Variants in HS3ST5 observed in about 807,000 individuals in gnomAD.
HS3ST5 encodes heparan sulfate glucosamine 3-O-sulfotransferase 5.
In HS3ST5, 10 loss-of-function variants were observed where a neutral mutation model predicts 25.4. The ratio of observed to expected loss-of-function variants is 0.39; its 90% confidence interval spans 0.24 to 0.67. The LOEUF is 0.67. Ranked by LOEUF, HS3ST5 falls within the 30% of genes least tolerant of loss-of-function variation. The probability of loss-of-function intolerance (pLI) is 0.44; values close to 1 mark genes in which losing one functional copy is unlikely to be tolerated. For missense variants in HS3ST5, 324 were observed against 420.7 expected (o/e 0.77, Z 2.01); for synonymous variants, 170 against 162.4 (o/e 1.05, Z -0.36).
intron 3 of HS3ST5, among the ~76,000 whole-genome samples, chr6:114,115,770 G>A (rs945206521): frequency 2.0e-5 from 3 of 151,872 alleles, no homozygotes; most frequent in Non-Finnish European, 2.9e-5. Flanking sequence ...TATGATTGAC[G>A]GTGGTAAATG....
intron 3 of HS3ST5, among the ~76,000 whole-genome samples, chr6:114,124,483 C>T (rs193190617): frequency 5.3e-5 from 8 of 152,248 alleles, no homozygotes; most frequent in South Asian, 2.1e-4. Context: ...TAAAATAATA[C>T]GTGAGGTTTT....
chr6:114,127,289 C>A (rs1368755856), intron 3 of HS3ST5, among the ~76,000 whole-genome samples: 2 of 152,190 alleles, frequency 1.3e-5, no homozygotes, highest in African/African-American at 4.8e-5. Context: ...TTACCAATTT[C>A]TTAGGAATTG....
At chr6:114,332,757 G>A (rs1037817109) in intron 1 of HS3ST5, among the ~76,000 whole-genome samples, 4 of 152,060 alleles carry the variant, frequency 2.6e-5, no homozygotes, top group Admixed American at 2.6e-4. Context: ...GGAGGTGGGT[G>A]AGCTACATAG....
At chr6:114,072,602 T>C (rs1773885709) in intron 3 of HS3ST5, among the ~76,000 whole-genome samples, 1 of 152,196 alleles carries the variant, frequency 6.6e-6, no homozygotes. Context: ...ATTTCACATT[T>C]AGTGAATTCA....
intron 1 of HS3ST5, among the ~76,000 whole-genome samples, chr6:114,280,548 G>A (rs561589890): frequency 2.6e-5 from 4 of 152,138 alleles, no homozygotes; most frequent in South Asian, 2.1e-4. Context: ...GTGGCATAAC[G>A]ATGGTTACTG....
At chr6:114,232,785 C>A (rs1158131963) in intron 1 of HS3ST5, among the ~76,000 whole-genome samples, 1 of 152,178 alleles carries the variant, frequency 6.6e-6, no homozygotes, top group Non-Finnish European at 1.5e-5. Flanking sequence ...TTCAAACCTA[C>A]TTCACTACTT....
intron 1 of HS3ST5, among the ~76,000 whole-genome samples, chr6:114,318,914 C>A (rs1775852283): frequency 6.6e-6 from 1 of 152,102 alleles, no homozygotes; most frequent in Non-Finnish European, 1.5e-5. Flanking sequence ...TAAAACATCC[C>A]TTTTATTAGC....
Position 114,238,294 on chromosome 6 carries a change from A to C in HS3ST5, c.-338-9516T>G, listed in dbSNP as rs563357553. ...CAGAAAGGTCCAGAAATTGCTCAAT[A>C]GTGTCTCTATGGACCACACAAACTC... On this transcript the variant is annotated intron_variant, in intron 1 of 4. Transcript: ENST00000312719. 2.0e-5 allele frequency among the ~76,000 whole-genome samples: 3 copies of C among 152,316 alleles called. No homozygotes were observed. The East Asian group carries it at 5.8e-4, about 29-fold the overall frequency.
chr6:114,209,846 C>T (rs1317037205), intron 2 of HS3ST5, among the ~76,000 whole-genome samples: 1 of 152,112 alleles, frequency 6.6e-6, no homozygotes, highest in Non-Finnish European at 1.5e-5. Context: ...TATGTTGCTG[C>T]ACAGTAGCAT....
intron 1 of HS3ST5, among the ~76,000 whole-genome samples, chr6:114,288,419 T>C (rs1470978159): frequency 6.6e-6 from 1 of 152,110 alleles, no homozygotes; most frequent in Non-Finnish European, 1.5e-5. Flanking sequence ...ACTAGTATAT[T>C]GGCATGCTAG....
intron 3 of HS3ST5, among the ~76,000 whole-genome samples, chr6:114,096,795 A>AT: frequency 6.6e-6 from 1 of 151,794 alleles, no homozygotes; most frequent in Non-Finnish European, 1.5e-5. Flanking sequence ...AGGCCTGACT[A>AT]TCACAGCAGG....
chr6:114,221,325 AATAC>A (rs1319452170), intron 2 of HS3ST5, among the ~76,000 whole-genome samples: 1 of 152,160 alleles, frequency 6.6e-6, no homozygotes, highest in Non-Finnish European at 1.5e-5. Context: ...GTGATTAAAA[AATAC>A]ATATAGTACA....
chr6:114,233,527 A>G (rs1163549040), intron 1 of HS3ST5, among the ~76,000 whole-genome samples: 1 of 152,208 alleles, frequency 6.6e-6, no homozygotes, highest in Non-Finnish European at 1.5e-5. Context: ...ACACAGATTA[A>G]CTATAAAGAA....
chr6:114,076,377 A>G (rs2114748664), intron 3 of HS3ST5, among the ~76,000 whole-genome samples: 1 of 152,322 alleles, frequency 6.6e-6, no homozygotes, highest in African/African-American at 2.4e-5. Context: ...TTAATGCAGA[A>G]GGAAGTAAAG....
intron 3 of HS3ST5, among the ~76,000 whole-genome samples, chr6:114,124,630 CTT>C (rs565626745): frequency 2.4e-4 from 31 of 127,722 alleles, no homozygotes; most frequent in Non-Finnish European, 2.4e-4. Flanking sequence ...AGGATTAGCT[CTT>C]TTTTTTTTTT....
At chr6:114,267,945 C>CA (rs757246927) in intron 1 of HS3ST5, among the ~76,000 whole-genome samples, 12 of 152,080 alleles carry the variant, frequency 7.9e-5, no homozygotes, top group South Asian at 6.2e-4. Flanking sequence ...TTAATGATTA[C>CA]AAAAAAAATC....
chr6:114,213,996 T>A (rs775362856), intron 2 of HS3ST5, among the ~76,000 whole-genome samples: 21 of 152,232 alleles, frequency 1.4e-4, no homozygotes, highest in Non-Finnish European at 2.2e-4. Context: ...GTTCTCCCTT[T>A]TCCTGATTTT....
rs141550066 is a variant in HS3ST5 at position 114,208,508 on chromosome 6, C to T, written c.-145+20077G>A. ...CAATAAGATCAAGGCCAAATGCTTC[C>T]TAGCTGGGGGAGAATAGTACAAAGA... On this transcript the variant is annotated intron_variant, in intron 2 of 4. Coordinates refer to ENST00000312719, the MANE Select transcript of HS3ST5 (RefSeq NM_153612.4). 2.3e-3 allele frequency among the ~76,000 whole-genome samples: 346 copies of T among 152,164 alleles called. 2 individuals are homozygous for T. The Middle Eastern group carries it at 0.044, about 19-fold the overall frequency.
intron 3 of HS3ST5, among the ~76,000 whole-genome samples, chr6:114,096,539 C>A (rs914561864): frequency 6.6e-6 from 1 of 152,018 alleles, no homozygotes; most frequent in Non-Finnish European, 1.5e-5. Context: ...AGCAACTGAG[C>A]ATTTGAATAA....
Sources: gnomAD v4.1 joint callset for allele counts (sites outside exome capture counted in the v4.1 genomes callset) on GRCh38, gnomAD v4.1.1 for gene constraint, MANE v1.5 for transcripts, NCBI Gene and HGNC (gene_info 2026-07-23, HGNC 2026-07-21) for gene names.